Variants in PRICKLE1 observed in about 807,000 individuals in gnomAD.
PRICKLE1 encodes the protein prickle planar cell polarity protein 1, also known as prickle-like protein 1.
In PRICKLE1, 14 loss-of-function variants were observed where a neutral mutation model predicts 70.2. The observed-to-expected ratio is 0.20, with a 90% CI of 0.13 to 0.31. The LOEUF is 0.31. Ranked by LOEUF, PRICKLE1 falls within the 10% of genes least tolerant of loss-of-function variation. The pLI is 1.00. For synonymous variants in PRICKLE1, 357 were observed against 379.9 expected, an observed-to-expected ratio of 0.94 and a Z score of 0.70; for missense variants, 821 against 1,026.2, an observed-to-expected ratio of 0.80 and a Z score of 2.73.
chr12:42,533,882 G>A (rs1939970031), intron 1 of PRICKLE1, among the ~76,000 whole-genome samples: 2 of 151,930 alleles, frequency 1.3e-5, no homozygotes, highest in African/African-American at 4.8e-5. Flanking sequence ...CGCCCCTAAC[G>A]ACAAAACTAG....
chr12:42,580,094 C>T (rs1238562390), intron 1 of PRICKLE1, among the ~76,000 whole-genome samples: 6 of 151,976 alleles, frequency 3.9e-5, no homozygotes, highest in Non-Finnish European at 8.8e-5. Flanking sequence ...AGGCTGGTCT[C>T]GAACTCTTGG....
At chr12:42,518,062 G>A (rs1208158172) in intron 1 of PRICKLE1, among the ~76,000 whole-genome samples, 2 of 151,320 alleles carry the variant, frequency 1.3e-5, no homozygotes, top group African/African-American at 4.9e-5. Context: ...TGGTTTTACT[G>A]TAAAAGTTGG....
At chr12:42,484,802 T>C (rs1796390) in intron 1 of PRICKLE1, among the ~76,000 whole-genome samples, 118,097 of 152,074 alleles carry the variant, frequency 0.78, 46,077 homozygotes, top group Middle Eastern at 0.85. Flanking sequence ...GCAAAACATA[T>C]CCTCAAAGCA....
chr12:42,550,881 C>T (rs1940302780), intron 1 of PRICKLE1, among the ~76,000 whole-genome samples: 1 of 152,202 alleles, frequency 6.6e-6, no homozygotes, highest in African/African-American at 2.4e-5. Flanking sequence ...CACACAGATT[C>T]CTGCCTGAAG....
intron 1 of PRICKLE1, among the ~76,000 whole-genome samples, chr12:42,584,753 T>A (rs538761245): frequency 1.3e-5 from 2 of 152,254 alleles, no homozygotes; most frequent in East Asian, 3.9e-4. Context: ...TCAAAGACCA[T>A]AATTGCAAGC....
rs541459230 is a variant in PRICKLE1 at position 42,528,971 on chromosome 12, A to G, written c.-48-56407T>C. Among the ~76,000 whole-genome samples the G allele has an allele frequency of 3.9e-5, 6 of 152,350 alleles. No homozygotes were observed. In the East Asian group the frequency reaches 1.2e-3, roughly 29 times the overall value. On this transcript the variant is annotated intron_variant, in intron 1 of 7. Transcript: ENST00000345127. ...AAAGATGACTCTTTGCCTCTAAGCCACCACCGGCTAAGGGAAGGCTCCCTT... is the reference window on the plus strand; with the variant it reads ...AAAGATGACTCTTTGCCTCTAAGCCGCCACCGGCTAAGGGAAGGCTCCCTT...
intron 1 of PRICKLE1, among the ~76,000 whole-genome samples, chr12:42,549,758 A>G (rs1482791226): frequency 6.6e-6 from 1 of 152,188 alleles, no homozygotes; most frequent in Non-Finnish European, 1.5e-5. Flanking sequence ...TAAAATCTGA[A>G]CTTCTTAGCA....
At chr12:42,477,528 ATATATG>A (rs1454120515) in intron 1 of PRICKLE1, among the ~76,000 whole-genome samples, 2 of 113,034 alleles carry the variant, frequency 1.8e-5, no homozygotes, top group Admixed American at 9.7e-5. Flanking sequence ...ATATATATAT[ATATATG>A]ACCTCACAAA....
chr12:42,471,546 A>G (rs1189492334), intron 2 of PRICKLE1, among the ~76,000 whole-genome samples: 1 of 152,180 alleles, frequency 6.6e-6, no homozygotes, highest in Admixed American at 6.5e-5. Flanking sequence ...ACAGTTATAA[A>G]CACTTACTGA....
chr12:42,550,774 C>T (rs1445112771), intron 1 of PRICKLE1, among the ~76,000 whole-genome samples: 1 of 152,178 alleles, frequency 6.6e-6, no homozygotes, highest in Non-Finnish European at 1.5e-5. Context: ...TTTGAGAACG[C>T]TCGAAGTTAC....
rs566010529 is a variant in PRICKLE1 at position 42,582,252 on chromosome 12, A to C, written c.-49+7213T>G. 5.8e-4 allele frequency among the ~76,000 whole-genome samples: 88 copies of C among 152,332 alleles called. 1 individual carries two copies. Among genetic ancestry groups the C allele is most frequent in the African/African-American group, 1.9e-3 (81 of 41,576 alleles). ...CACATTCATGAAACATAAAAGGCTA[A>C]AGCAATTCAGAACTAGGTGAGGGGG... On this transcript the variant is annotated intron_variant, in intron 1 of 7. Coordinates refer to ENST00000345127, the MANE Select transcript of PRICKLE1 (RefSeq NM_153026.3).
At chr12:42,463,529 G>A in intron 7 of PRICKLE1, 1 of 152,234 alleles carries the variant, frequency 6.6e-6, no homozygotes, top group Non-Finnish European at 1.5e-5. Flanking sequence ...AGACCAGCCT[G>A]GCCAATATGG....
chr12:42,514,887 C>CTCTATCTATCTATCTA (rs150030888), intron 1 of PRICKLE1, among the ~76,000 whole-genome samples: 31 of 139,678 alleles, frequency 2.2e-4, no homozygotes, highest in East Asian at 4.1e-4. Flanking sequence ...TTAAGGCTCG[C>CTCTATCTATCTATCTA]TCTATCTATC....
At chr12:42,474,375 G>A (rs557576324) in intron 1 of PRICKLE1, among the ~76,000 whole-genome samples, 1 of 152,176 alleles carries the variant, frequency 6.6e-6, no homozygotes, top group Non-Finnish European at 1.5e-5. Flanking sequence ...ATAAATGAAG[G>A]GCAAGCACCT....
At chr12:42,493,598 G>A (rs1043588048) in intron 1 of PRICKLE1, among the ~76,000 whole-genome samples, 10 of 152,128 alleles carry the variant, frequency 6.6e-5, no homozygotes, top group African/African-American at 2.2e-4. Flanking sequence ...CTAATACTCT[G>A]AGTAAACTAG....
chr12:42,490,900 T>G (rs1050798644), intron 1 of PRICKLE1, among the ~76,000 whole-genome samples: 2 of 152,090 alleles, frequency 1.3e-5, no homozygotes, highest in African/African-American at 4.8e-5. Flanking sequence ...GACATAGTCT[T>G]AACTCTGTCA....
chr12:42,565,903 C>T (rs1340122065), intron 1 of PRICKLE1, among the ~76,000 whole-genome samples: 1 of 152,058 alleles, frequency 6.6e-6, no homozygotes, highest in African/African-American at 2.4e-5. Context: ...TTGGTGAGTA[C>T]TATATTCTCC....
intron 1 of PRICKLE1, among the ~76,000 whole-genome samples, chr12:42,558,338 G>A (rs1270843568): frequency 6.6e-6 from 1 of 152,232 alleles, no homozygotes; most frequent in Admixed American, 6.5e-5. Context: ...CATGAAGGGT[G>A]TAAAAGGGAG....
At chr12:42,493,815 A>ACCACTGT (rs1939147391) in intron 1 of PRICKLE1, among the ~76,000 whole-genome samples, 1 of 151,452 alleles carries the variant, frequency 6.6e-6, no homozygotes, top group Admixed American at 6.6e-5. Context: ...CTCTGATTGC[A>ACCACTGT]CCACTGTACC....
Sources: allele counts gnomAD v4.1 joint callset (sites outside exome capture counted in the v4.1 genomes callset), GRCh38; gene constraint gnomAD v4.1.1; transcripts MANE v1.5; gene names NCBI Gene and HGNC (gene_info 2026-07-23, HGNC 2026-07-21).